Variants in KLHL6 observed in about 807,000 individuals in gnomAD.
KLHL6 encodes kelch like family member 6.
Under a neutral mutation model 58.6 loss-of-function variants are expected in KLHL6, and 41 were observed. The ratio of observed to expected loss-of-function variants is 0.70; its 90% CI spans 0.55 to 0.91. The LOEUF (loss-of-function observed/expected upper bound fraction) is 0.91, where lower values mean the gene tolerates loss of function less well. Ranked by LOEUF, KLHL6 falls within the 40% of genes least tolerant of loss-of-function variation. The probability of loss-of-function intolerance (pLI) is 0.00; values close to 1 mark genes in which losing one functional copy is unlikely to be tolerated. For missense variants in KLHL6, 714 were observed against 805.6 expected (o/e 0.89, Z 1.38); for synonymous variants, 338 against 322.7 (o/e 1.05, Z -0.51).
In KLHL6 at chr3:183,499,705, C is replaced by A. The variant is rs1160099464; in HGVS notation, c.1032G>T (p.Arg344Ser). 6.2e-7 allele frequency: 1 copy of A among 1,611,198 alleles called. No individual in the cohort carries two copies. The highest frequency in any genetic ancestry group is 1.7e-5 in the Admixed American group (1 of 59,344). Residue 344 changes from arginine to serine, a missense_variant, in exon 4 of 7, where the codon AGG (arginine) becomes AGT (serine). Transcript: ENST00000341319. The surrounding 1 kb of genome is among the most constrained non-coding windows in gnomAD (Gnocchi z 4.6). ...GCTTGGCCACCTCCAGGCGGCTGCG[C>A]CTCAGGGGGTCCAGGCAGGTCACCT... ...VAEVTCLDPLRRSRLEVAKLP... is the reference protein window; with the variant it reads ...VAEVTCLDPLSRSRLEVAKLP...
At chr3:183,510,505 C>T (rs1320404345) in intron 2 of KLHL6, among the ~76,000 whole-genome samples, 1 of 152,104 alleles carries the variant, frequency 6.6e-6, no homozygotes, top group Non-Finnish European at 1.5e-5. Flanking sequence ...GGGAACACAT[C>T]CCTGACTTTT....
intron 2 of KLHL6, among the ~76,000 whole-genome samples, chr3:183,511,825 CT>C (rs1718194936): frequency 6.6e-6 from 1 of 152,184 alleles, no homozygotes; most frequent in African/African-American, 2.4e-5. Context: ...TTAACAGCAT[CT>C]CAGGGCAGAG....
chr3:183,495,003 T>C (rs1219645335), intron 4 of KLHL6, among the ~76,000 whole-genome samples: 1 of 152,190 alleles, frequency 6.6e-6, no homozygotes, highest in African/African-American at 2.4e-5. Flanking sequence ...ACTTTTTGGG[T>C]GATTTTAATC....
chr3:183,524,878 C>T (rs184302200), intron 2 of KLHL6, among the ~76,000 whole-genome samples: 1 of 152,342 alleles, frequency 6.6e-6, no homozygotes, highest in African/African-American at 2.4e-5. Flanking sequence ...AATGCCATCA[C>T]TGGCACACTT....
chr3:183,527,833 T>C lies in KLHL6; in HGVS notation c.459+12A>G. On this transcript the variant is annotated intron_variant, in intron 2 of 6. Coordinates refer to ENST00000341319, the MANE Select transcript of KLHL6 (RefSeq NM_130446.4). ...CTTCAGAGAAGAGCACTGAGCCAGT[T>C]TGTTCACACACCTGGAAGAGGTTAG... is the stretch of plus-strand genomic sequence containing the variant. 1 of 1,613,568 alleles carries C rather than the reference T, an allele frequency of 6.2e-7. No homozygotes were observed. The highest frequency in any genetic ancestry group is 8.5e-7 in the Non-Finnish European group (1 of 1,179,716).
At chr3:183,530,280 A>G (rs79051717) in intron 1 of KLHL6, among the ~76,000 whole-genome samples, 6,311 of 152,230 alleles carry the variant, frequency 0.041, 429 homozygotes, top group African/African-American at 0.14. Context: ...AGATTGCCAC[A>G]AATAGGATGT....
At position 183,492,951 on chromosome 3, in the gene KLHL6, C is replaced by T. The variant is rs1015999058; in HGVS notation, c.1351-244G>A. 3.8e-5 allele frequency: 19 copies of T among 500,112 alleles called. No homozygotes were observed. Among genetic ancestry groups the T allele is most frequent in the African/African-American group, 2.3e-4 (12 of 51,944 alleles). The allele number at this position is 500,112 out of a possible 1,614,324, so 31.0% of individuals were successfully genotyped here. On this transcript the variant is annotated intron_variant, in intron 5 of 6. Transcript: ENST00000341319. This position sits in a 1 kb window ranked among gnomAD's most constrained non-coding sequence, Gnocchi z 5.9. Reference sequence around the variant, plus strand: ...TGTGTTGGGATGTGCCAGCCTCTCCCGGAATCCAGCTCTCAGGCAAGAATA... The same window carrying T: ...TGTGTTGGGATGTGCCAGCCTCTCCTGGAATCCAGCTCTCAGGCAAGAATA...
At chr3:183,497,024 A>G (rs139918612) in intron 4 of KLHL6, among the ~76,000 whole-genome samples, 6,224 of 152,084 alleles carry the variant, frequency 0.041, 385 homozygotes, top group East Asian at 0.21. Flanking sequence ...CACGCCTGTA[A>G]TCCCAGCACT....
chr3:183,534,833 A>C (rs1712304711), intron 1 of KLHL6, among the ~76,000 whole-genome samples: 1 of 151,882 alleles, frequency 6.6e-6, no homozygotes. Context: ...GCGATAACTT[A>C]CATTCTTTTT....
Position 183,491,946 on chromosome 3 carries a change from G to A in KLHL6, c.1847C>T (p.Pro616Leu). 1 of 1,518,912 alleles carries A rather than the reference G, an allele frequency of 6.6e-7. No individual in the cohort carries two copies. Among genetic ancestry groups the A allele is most frequent in the East Asian group, 2.4e-5 (1 of 42,034 alleles). The allele number at this position is 1,518,912 out of a possible 1,614,324, so 94.1% of individuals were successfully genotyped here. The change falls in exon 7 of 7, where the codon CCC becomes CTC. Residue 616 changes from proline (P) to leucine (L), a missense_variant. By Grantham distance (98) the Pro-to-Leu change is moderately conservative (BLOSUM62 -3). Around this residue, in one of 2 missense-constraint regions of KLHL6, gnomAD observed 510 missense variants for 629.7 expected, o/e 0.81. Coordinates refer to ENST00000341319, the MANE Select transcript of KLHL6 (RefSeq NM_130446.4). ...KSYTHIRRIV[P>L]GAVSV ...CTGCCGTCAGACAGACACTGCTCCG[G>A]GCACGATCCTGCGGATGTGGGTGTA...
chr3:183,515,779 G>A (rs1249495695), intron 2 of KLHL6, among the ~76,000 whole-genome samples: 1 of 152,078 alleles, frequency 6.6e-6, no homozygotes, highest in Non-Finnish European at 1.5e-5. Flanking sequence ...TCATACTTGG[G>A]TATTTATTTC....
intron 3 of KLHL6, among the ~76,000 whole-genome samples, chr3:183,506,975 G>C (rs1718027424): frequency 6.6e-6 from 1 of 152,202 alleles, no homozygotes; most frequent in African/African-American, 2.4e-5. Flanking sequence ...ACAACATTCA[G>C]ATTGACCTGG....
rs532480044 is a variant in KLHL6, at chr3:183,492,548, C to G, written c.1510G>C (p.Val504Leu). 1.2e-6 allele frequency: 2 copies of G among 1,614,238 alleles called. No homozygotes were observed. Among genetic ancestry groups the G allele is most frequent in the African/African-American group, 1.3e-5 (1 of 75,064 alleles). The change falls in exon 6 of 7, where the codon GTG (valine) becomes CTG (leucine). Residue 504 changes from valine to leucine, a missense_variant. By Grantham distance (32) the Val-to-Leu change is conservative. Around this residue, in one of 2 missense-constraint regions of KLHL6, gnomAD observed 510 missense variants for 629.7 expected, o/e 0.81. Coordinates refer to ENST00000341319, the MANE Select transcript of KLHL6 (RefSeq NM_130446.4). This position sits in a 1 kb window ranked among gnomAD's most constrained non-coding sequence, Gnocchi z 5.9. ...ACTGCATTGATGCATTTAGCCTCCA[C>G]GGGCATGGCCGCCTTCAAACTCCAC... ...NKWSLKAAMPVEAKCINAVSF... is the reference protein window; with the variant it reads ...NKWSLKAAMPLEAKCINAVSF...
chr3:183,527,789 G>C, intron 2 of KLHL6, 56 bp downstream of exon 2: 4 of 1,568,580 alleles, frequency 2.6e-6, no homozygotes, highest in Non-Finnish European at 3.5e-6. Context: ...GGCCTCTGGA[G>C]AATTACTGCA....
rs752049661 is a variant in KLHL6, at chr3:183,555,449, T to A, written c.205A>T (p.Asn69Tyr). The A allele has an allele frequency of 2.5e-6, 4 of 1,613,954 alleles. No individual in the cohort carries two copies. Among genetic ancestry groups the A allele is most frequent in the South Asian group, 2.2e-5 (2 of 91,076 alleles). ...QNGLETLRME[N>Y]ALTDVILCVD... Reference sequence around the variant, plus strand: ...CACAAGATGACATCTGTCAGAGCGTTTTCCATTCGCAGGGTTTCCAGGCCA... The same window carrying A: ...CACAAGATGACATCTGTCAGAGCGTATTCCATTCGCAGGGTTTCCAGGCCA... Residue 69 changes from asparagine to tyrosine, a missense_variant, in exon 1 of 7, where the codon AAC becomes TAC. By Grantham distance (143) the Asn-to-Tyr change is moderately radical. This residue lies in a region of KLHL6 where 204 missense variants were observed against 175.9 expected (regional missense o/e 1.16). Transcript: ENST00000341319.
At chr3:183,544,036 G>A (rs1460327419) in intron 1 of KLHL6, among the ~76,000 whole-genome samples, 1 of 152,026 alleles carries the variant, frequency 6.6e-6, no homozygotes, top group African/African-American at 2.4e-5. Flanking sequence ...AGTGGCACAC[G>A]CCTGTAGTCC....
chr3:183,529,056 C>A (rs1422521338), intron 1 of KLHL6, among the ~76,000 whole-genome samples: 1 of 152,112 alleles, frequency 6.6e-6, no homozygotes, highest in African/African-American at 2.4e-5. Flanking sequence ...AACAGAAAAC[C>A]AAATATCTCA....
intron 1 of KLHL6, among the ~76,000 whole-genome samples, chr3:183,534,130 T>TTAAAATTAC (rs1553812517): frequency 5.8e-5 from 3 of 52,084 alleles, no homozygotes; most frequent in Admixed American, 2.8e-4. Context: ...TTAAAGTACT[T>TTAAAATTAC]TGTACTTTTA....
intron 3 of KLHL6, 150 bp downstream of exon 3, chr3:183,507,909 C>A: frequency 1.5e-6 from 1 of 671,058 alleles, no homozygotes; most frequent in Non-Finnish European, 2.5e-6. Context: ...ATCAGGGCTT[C>A]TGGAACTGAC....
Sources: allele counts gnomAD v4.1 joint callset (sites outside exome capture counted in the v4.1 genomes callset), GRCh38; gene constraint gnomAD v4.1.1; regional missense constraint gnomAD v4.1.1; non-coding constraint Gnocchi (gnomAD v3.1); transcripts MANE v1.5; gene names NCBI Gene and HGNC (gene_info 2026-07-23, HGNC 2026-07-21).